The following ANKFN1 variants were observed in gnomAD, a reference collection of about 807,000 sequenced individuals.
The protein encoded by ANKFN1 is ankyrin repeat and fibronectin type III domain containing 1.
ANKFN1 carries 74 observed loss-of-function variants against 108.7 expected under a neutral mutation model. The ratio of observed to expected loss-of-function variants is 0.68; its 90% CI spans 0.56 to 0.83. The LOEUF (loss-of-function observed/expected upper bound fraction) is 0.83. Among genes scored for constraint, ANKFN1 ranks in the 40% least tolerant of loss-of-function variants. The pLI is 0.00. For synonymous variants in ANKFN1, 547 were observed against 516.2 expected, an observed-to-expected ratio of 1.06 and a Z score of -0.81; for missense variants, 1,505 against 1,382.3, an observed-to-expected ratio of 1.09 and a Z score of -1.41.
At position 56,513,334 on chromosome 17, in the gene ANKFN1, A is replaced by C. The variant is rs2051829044; in HGVS notation, c.*2065A>C. Among the ~76,000 whole-genome samples the C allele has an allele frequency of 6.6e-6, 1 of 152,252 alleles. No individual in the cohort carries two copies. ...CTTGTTGCCAAGGAATACAGACTTC[A>C]TGTAATACACATCTAAGTTAACTTA... On this transcript the variant is annotated 3_prime_UTR_variant, in exon 21 of 21. Transcript: ENST00000682825.
At chr17:56,283,703 A>G (rs1013778671) in intron 3 of ANKFN1, among the ~76,000 whole-genome samples, 7 of 151,974 alleles carry the variant, frequency 4.6e-5, no homozygotes, top group Admixed American at 3.9e-4. Flanking sequence ...ATGCAAAGGC[A>G]TAAGAATGAT....
At chr17:56,236,991 A>T (rs1917203000) in intron 3 of ANKFN1, among the ~76,000 whole-genome samples, 1 of 152,088 alleles carries the variant, frequency 6.6e-6, no homozygotes, top group South Asian at 2.1e-4. Flanking sequence ...TTTTATTGAA[A>T]GCCATTTCTG....
At chr17:56,152,186 G>C (rs1175241529), upstream of ANKFN1, among the ~76,000 whole-genome samples, 1 of 151,720 alleles carries the variant, frequency 6.6e-6, no homozygotes, top group African/African-American at 2.4e-5. Flanking sequence ...TGGGGTAACT[G>C]ATGCCAGAGC....
chr17:56,326,102 T>G, intron 3 of ANKFN1, 119 bp from the exon 4 acceptor site: 1 of 1,375,862 alleles, frequency 7.3e-7, no homozygotes, highest in Non-Finnish European at 9.8e-7. Flanking sequence ...GCTGTTTACT[T>G]CTCCCTTTCT....
chr17:56,053,894 G>T (rs765642728), intron 4 of ANKFN1, among the ~76,000 whole-genome samples: 2 of 152,120 alleles, frequency 1.3e-5, no homozygotes, highest in East Asian at 1.9e-4. Context: ...ATCACTTTTG[G>T]AGTACAAGTG....
chr17:56,422,839 G>A (rs536616229), intron 8 of ANKFN1, among the ~76,000 whole-genome samples: 4 of 152,318 alleles, frequency 2.6e-5, no homozygotes, highest in African/African-American at 7.2e-5. Flanking sequence ...GGCCAAAGCC[G>A]CATAACTCTT....
At chr17:56,300,399 A>C (rs2044638938) in intron 3 of ANKFN1, among the ~76,000 whole-genome samples, 1 of 152,164 alleles carries the variant, frequency 6.6e-6, no homozygotes, top group African/African-American at 2.4e-5. Context: ...CCACGTTGCC[A>C]AGTCCTTCTT....
chr17:56,416,032 C>A (rs1029767600), intron 8 of ANKFN1, among the ~76,000 whole-genome samples: 5 of 152,088 alleles, frequency 3.3e-5, no homozygotes, highest in Admixed American at 6.5e-5. Flanking sequence ...TAAAACTAGA[C>A]CTCTATCTCT....
intron 8 of ANKFN1, among the ~76,000 whole-genome samples, chr17:56,415,704 GA>G (rs1029690519): frequency 1.3e-5 from 2 of 151,784 alleles, no homozygotes; most frequent in Non-Finnish European, 2.9e-5. Context: ...CATAGAAATA[GA>G]AAAAAAATTC....
intron 4 of ANKFN1, among the ~76,000 whole-genome samples, chr17:56,119,875 T>C (rs1398967361): frequency 6.6e-6 from 1 of 152,146 alleles, no homozygotes; most frequent in Non-Finnish European, 1.5e-5. Flanking sequence ...AGAAATAGCA[T>C]ATGAAAAGTC....
chr17:56,482,690 T>C (rs1415338162), intron 18 of ANKFN1, 166 bp downstream of exon 18: 4 of 709,986 alleles, frequency 5.6e-6, no homozygotes, highest in Non-Finnish European at 8.4e-6. Flanking sequence ...AAAGCAAAGC[T>C]CCAAGACTAT....
chr17:56,405,886 G>A (rs1000327563), intron 8 of ANKFN1, among the ~76,000 whole-genome samples: 6 of 152,080 alleles, frequency 3.9e-5, no homozygotes, highest in Non-Finnish European at 5.9e-5. Flanking sequence ...TGTATAGGAC[G>A]CTAAGAACAA....
chr17:56,372,147 T>C (rs560974598), intron 6 of ANKFN1, among the ~76,000 whole-genome samples: 1 of 152,350 alleles, frequency 6.6e-6, no homozygotes. Flanking sequence ...GTCTATAAGC[T>C]GGGAAGAATG....
intron 3 of ANKFN1, among the ~76,000 whole-genome samples, chr17:56,244,465 C>T (rs976481733): frequency 6.6e-6 from 1 of 152,138 alleles, no homozygotes. Flanking sequence ...CAATCTTCAA[C>T]TCTCAGGGTC....
rs573735067 is a variant in ANKFN1 at position 56,265,405 on chromosome 17, A to G, written c.53+37448A>G. Among the ~76,000 whole-genome samples, 5 of 152,296 alleles carry G rather than the reference A, an allele frequency of 3.3e-5. No individual in the cohort carries two copies. The East Asian group carries it at 9.7e-4, about 29-fold the overall frequency. On this transcript the variant is annotated intron_variant, in intron 3 of 20. Transcript: ENST00000682825. ...AACCATCAGTTCTCTTGAGAACACC[A>G]TGGAGGAAACCATCCCCATGATCCA...
chr17:56,446,527 G>A (rs572066778), intron 10 of ANKFN1, among the ~76,000 whole-genome samples: 1 of 152,272 alleles, frequency 6.6e-6, no homozygotes, highest in East Asian at 1.9e-4. Flanking sequence ...TATCCTACCT[G>A]AACATCATCG....
chr17:56,230,144 T>C (rs906186389), intron 3 of ANKFN1, among the ~76,000 whole-genome samples: 2 of 152,100 alleles, frequency 1.3e-5, no homozygotes, highest in Non-Finnish European at 2.9e-5. Context: ...GAAATGTATA[T>C]GCAACACATA....
At chr17:56,204,195 C>T (rs148609975) in intron 1 of ANKFN1, among the ~76,000 whole-genome samples, 12,428 of 152,038 alleles carry the variant, frequency 0.082, 576 homozygotes, top group South Asian at 0.14. Context: ...TACAGGTGCC[C>T]GCCACCACAC....
chr17:56,087,488 A>T (rs1298657231), intron 4 of ANKFN1, among the ~76,000 whole-genome samples: 3 of 151,194 alleles, frequency 2.0e-5, no homozygotes, highest in African/African-American at 7.3e-5. Flanking sequence ...CTAGATACCT[A>T]CTGCTTCTTT....
Sources: allele counts gnomAD v4.1 joint callset (sites outside exome capture counted in the v4.1 genomes callset), GRCh38; gene constraint gnomAD v4.1.1; transcripts MANE v1.5; gene names NCBI Gene and HGNC (gene_info 2026-07-23, HGNC 2026-07-21).